GOLGB1: variants seen among roughly 807,000 people sequenced by gnomAD.
The protein encoded by GOLGB1 is golgin B1, also known as golgin subfamily B member 1.
In GOLGB1, 174 loss-of-function variants were observed where a neutral mutation model predicts 336.9. The observed-to-expected ratio is 0.52, with a 90% CI of 0.46 to 0.59. The LOEUF (loss-of-function observed/expected upper bound fraction) is 0.59. Ranked by LOEUF, GOLGB1 falls within the 20% of genes least tolerant of loss-of-function variation. The pLI is 0.00. For synonymous variants in GOLGB1, 1,208 were observed against 1,289.2 expected (o/e 0.94, Z 1.35); for missense variants, 3,331 against 3,645.3 (o/e 0.91, Z 2.22).
rs1240061387 is a variant in GOLGB1 at position 121,691,264 on chromosome 3, T to C, written c.8100A>G (p.Arg2700=). ...KHLHHDAGIM[R]NETETAEERV... is the part of the protein sequence containing the mutation. ...TCTCTTCTGCTGTTTCAGTTTCATTTCTCATTATCCCTGCATCATGATGAA... is the reference window on the plus strand; with the variant it reads ...TCTCTTCTGCTGTTTCAGTTTCATTCCTCATTATCCCTGCATCATGATGAA... Residue 2700 remains arginine, a synonymous_variant, in exon 14 of 22, where the codon AGA becomes AGG. Transcript: ENST00000614479. 6 of 1,613,884 alleles carry C rather than the reference T, an allele frequency of 3.7e-6. No homozygotes were observed. The African/African-American group carries it at 8.0e-5, about 22-fold the overall frequency.
chr3:121,719,555 T>C (rs1416112622), intron 7 of GOLGB1, 91 bp downstream of exon 7: 3 of 918,100 alleles, frequency 3.3e-6, no homozygotes, highest in East Asian at 5.6e-5. Flanking sequence ...TAACACCAAG[T>C]GAAGAGCAGT....
chr3:121,672,346 A>C (rs1219798351), intron 17 of GOLGB1, among the ~76,000 whole-genome samples: 1 of 152,202 alleles, frequency 6.6e-6, no homozygotes, highest in Admixed American at 6.5e-5. Flanking sequence ...ATGACATCTC[A>C]CTATAGCTTT....
intron 2 of GOLGB1, 142 bp from the exon 3 acceptor site, chr3:121,730,159 CATT>C: frequency 1.7e-6 from 1 of 592,046 alleles, no homozygotes; most frequent in Non-Finnish European, 3.0e-6. Context: ...CAATAATAAT[CATT>C]ATCATAGCCA....
chr3:121,748,906 C>G, intron 1 of GOLGB1: 1 of 984,990 alleles, frequency 1.0e-6, no homozygotes, highest in Non-Finnish European at 1.2e-6. Context: ...CCCTCCCTTT[C>G]ACATTCCGGT....
At chr3:121,722,433 C>G in intron 5 of GOLGB1, 55 bp from the exon 6 acceptor site, 1 of 934,218 alleles carries the variant, frequency 1.1e-6, no homozygotes, top group South Asian at 1.3e-5. Flanking sequence ...AAAGAATGAG[C>G]ATTATTAATT....
Position 121,696,926 on chromosome 3 carries a change from T to G in GOLGB1, c.3597A>C (p.Ala1199=). 1 of 1,614,058 alleles carries G rather than the reference T, an allele frequency of 6.2e-7. No individual in the cohort carries two copies. Among genetic ancestry groups the G allele is most frequent in the East Asian group, 2.2e-5 (1 of 44,892 alleles). Residue 1199 remains alanine (A), a synonymous_variant, in exon 13 of 22, where the codon GCA becomes GCC. Transcript: ENST00000614479. Reference sequence around the variant, plus strand: ...CCCTGAGATGTCTTTCTTTCTCCTGTGCCTTTTTAAGAATTGCCTTGCGGG... The same window carrying G: ...CCCTGAGATGTCTTTCTTTCTCCTGGGCCTTTTTAAGAATTGCCTTGCGGG... ...LTSRKAILKK[A]QEKERHLREE...
At chr3:121,714,502 A>C (rs1407019906) in intron 10 of GOLGB1, among the ~76,000 whole-genome samples, 1 of 152,106 alleles carries the variant, frequency 6.6e-6, no homozygotes, top group Non-Finnish European at 1.5e-5. Context: ...GTGTTCACTA[A>C]ACCTGATCAA....
At chr3:121,725,045 C>G (rs558801333) in intron 5 of GOLGB1, among the ~76,000 whole-genome samples, 14 of 152,260 alleles carry the variant, frequency 9.2e-5, no homozygotes, top group Middle Eastern at 3.4e-3. Flanking sequence ...CGAAGGATGT[C>G]ATCAATAGCC....
At chr3:121,669,410 G>A (rs1276948030) in intron 17 of GOLGB1, 55 bp from the exon 18 acceptor site, 2 of 1,419,580 alleles carry the variant, frequency 1.4e-6, no homozygotes, top group East Asian at 2.4e-5. Context: ...CAGTGCTGAG[G>A]TGAAATGTTC....
intron 6 of GOLGB1, among the ~76,000 whole-genome samples, chr3:121,719,987 A>G (rs980484666): frequency 6.6e-6 from 1 of 152,222 alleles, no homozygotes; most frequent in African/African-American, 2.4e-5. Context: ...AAGTTAGCCT[A>G]AACATAAATT....
rs1945944607 is a variant in GOLGB1, at chr3:121,729,761, A to C, written c.249+104T>G. ...CATAAGGTTACAGTACTAGGGAGAT[A>C]ATCAGATTCCCTAATAATCTAAGTG... On this transcript the variant is annotated intron_variant, in intron 3 of 21. Transcript: ENST00000614479. 10 of 856,314 alleles carry C rather than the reference A, an allele frequency of 1.2e-5. No individual in the cohort carries two copies. In the South Asian group the frequency reaches 1.3e-4, roughly 11 times the overall value. The allele number at this position is 856,314 out of a possible 1,614,324, so 53.0% of individuals were successfully genotyped here. A position where few individuals can be genotyped will look rare whatever the true frequency, so the allele number is the denominator to read the frequency against.
chr3:121,666,483 G>A (rs1367001633), intron 20 of GOLGB1, among the ~76,000 whole-genome samples: 3 of 152,100 alleles, frequency 2.0e-5, no homozygotes, highest in Admixed American at 6.6e-5. Context: ...GAAAATGCTC[G>A]GCAGAGATGG....
chr3:121,691,108 TCTA>T lies in GOLGB1; in HGVS notation c.8253_8255del (p.Ser2751del), dbSNP rs1231127531. The T allele has an allele frequency of 1.4e-5, 22 of 1,614,076 alleles. No individual in the cohort carries two copies. The highest frequency in any genetic ancestry group is 1.6e-5 in the Non-Finnish European group (19 of 1,180,014). ...CATCAAGTTCCTCATTGGCATGATC[TCTA>T]CTATTTTGCAAGGAACTCATAGACC... On this transcript the variant is annotated inframe_deletion, in exon 14 of 22. Transcript: ENST00000614479.
At chr3:121,716,648 A>T in intron 9 of GOLGB1, 89 bp downstream of exon 9, 1 of 1,087,176 alleles carries the variant, frequency 9.2e-7, no homozygotes, top group South Asian at 1.6e-5. Flanking sequence ...TGGTTTGAGT[A>T]CAGATTTCAT....
chr3:121,680,165 G>A (rs149732730), intron 15 of GOLGB1, among the ~76,000 whole-genome samples: 1 of 152,322 alleles, frequency 6.6e-6, no homozygotes, highest in African/African-American at 2.4e-5. Flanking sequence ...AACGAAAGTT[G>A]AATGGGGTGC....
At chr3:121,683,403 T>G (rs188306873) in intron 14 of GOLGB1, among the ~76,000 whole-genome samples, 209 of 152,132 alleles carry the variant, frequency 1.4e-3, no homozygotes, top group Non-Finnish European at 1.9e-3. Context: ...CTACTGAGCT[T>G]GAAGAGTGCT....
At chr3:121,730,270 G>C in intron 2 of GOLGB1, 1 of 329,322 alleles carries the variant, frequency 3.0e-6, no homozygotes, top group East Asian at 5.6e-5. Flanking sequence ...GAAAAATAAA[G>C]GAAAGCAAAA....
chr3:121,736,316 C>A (rs1946462541), intron 1 of GOLGB1, among the ~76,000 whole-genome samples: 1 of 152,140 alleles, frequency 6.6e-6, no homozygotes, highest in African/African-American at 2.4e-5. Context: ...AGTGGTGAGA[C>A]TTGGCAACCA....
chr3:121,746,320 T>C (rs1947280080), intron 1 of GOLGB1, among the ~76,000 whole-genome samples: 1 of 152,178 alleles, frequency 6.6e-6, no homozygotes, highest in South Asian at 2.1e-4. Flanking sequence ...AACAACTATT[T>C]TTCATGATGC....
Sources: gnomAD v4.1 joint callset for allele counts (sites outside exome capture counted in the v4.1 genomes callset) on GRCh38, gnomAD v4.1.1 for gene constraint, MANE v1.5 for transcripts, NCBI Gene and HGNC (gene_info 2026-07-23, HGNC 2026-07-21) for gene names.